SLC4A4: variants seen among roughly 807,000 people sequenced by gnomAD.
SLC4A4 encodes the protein solute carrier family 4 member 4.
SLC4A4 carries 27 observed loss-of-function variants against 111.5 expected under a neutral mutation model. The observed-to-expected ratio is 0.24, with a 90% CI of 0.18 to 0.33. The LOEUF (loss-of-function observed/expected upper bound fraction) is 0.33. Ranked by LOEUF, SLC4A4 falls within the 10% of genes least tolerant of loss-of-function variation. The pLI, the probability that SLC4A4 is intolerant of heterozygous loss-of-function variation, is 1.00. For missense variants in SLC4A4, 909 were observed against 1,315.5 expected, an observed-to-expected ratio of 0.69 and a Z score of 4.78; for synonymous variants, 443 against 463.4, an observed-to-expected ratio of 0.96 and a Z score of 0.57.
intron 3 of SLC4A4, chr4:71,300,109 A>G (rs1330897611): frequency 2.5e-5 from 4 of 158,668 alleles, no homozygotes; most frequent in Non-Finnish European, 5.8e-5. Context: ...TCTGCAGAGA[A>G]TAACCTGACT....
intron 17 of SLC4A4, among the ~76,000 whole-genome samples, chr4:71,533,234 A>T (rs1238445422): frequency 1.3e-5 from 2 of 152,134 alleles, no homozygotes; most frequent in African/African-American, 4.8e-5. Context: ...TCAACCATTA[A>T]TTCATTTGAG....
chr4:71,091,818 C>T (rs752074151), intron 1 of SLC4A4, among the ~76,000 whole-genome samples: 5 of 152,144 alleles, frequency 3.3e-5, no homozygotes, highest in Non-Finnish European at 7.4e-5. Flanking sequence ...TCTGCAAAGC[C>T]GTCTCTCTCC....
chr4:71,309,161 A>T (rs1305808849), intron 3 of SLC4A4, among the ~76,000 whole-genome samples: 1 of 152,148 alleles, frequency 6.6e-6, no homozygotes, highest in African/African-American at 2.4e-5. Flanking sequence ...GCCTTTCTAG[A>T]TTCCTCTTCA....
rs1745507759 is a variant in SLC4A4 at position 71,187,280 on chromosome 4, T to TCGGTGG, written c.-119_-114dup. On this transcript the variant is annotated 5_prime_UTR_variant, in exon 1 of 26. Coordinates refer to ENST00000264485, the MANE Select transcript of SLC4A4 (RefSeq NM_001098484.3). ...CCCCGGCGGCGCGCCGGGCAGCGCT[T>TCGGTGG]CGGTGGCGGCGGCGGCCGCGGTGGC... is the stretch of plus-strand genomic sequence containing the variant. The TCGGTGG allele has an allele frequency of 1.3e-5, 2 of 154,050 alleles. No individual in the cohort carries two copies. Among genetic ancestry groups the TCGGTGG allele is most frequent in the South Asian group, 3.5e-4 (2 of 5,690 alleles). The allele number at this position is 154,050 out of a possible 1,614,324, so 9.5% of individuals were successfully genotyped here.
At chr4:71,450,153 A>G (rs982839850) in intron 9 of SLC4A4, among the ~76,000 whole-genome samples, 7 of 152,116 alleles carry the variant, frequency 4.6e-5, no homozygotes, top group African/African-American at 9.7e-5. Flanking sequence ...TATTGGTAGG[A>G]AAAAAAACCA....
chr4:71,092,007 C>A (rs1442718166), intron 1 of SLC4A4, among the ~76,000 whole-genome samples: 1 of 152,126 alleles, frequency 6.6e-6, no homozygotes. Context: ...AATGTAGTGG[C>A]CATCTTCAAG....
chr4:71,122,090 A>G (rs1333000143), intron 2 of SLC4A4, among the ~76,000 whole-genome samples: 1 of 152,102 alleles, frequency 6.6e-6, no homozygotes, highest in Non-Finnish European at 1.5e-5. Context: ...ATCAGAAGGA[A>G]CAAACTCCGG....
At chr4:71,478,925 T>C (rs2089512755) in intron 14 of SLC4A4, among the ~76,000 whole-genome samples, 1 of 151,778 alleles carries the variant, frequency 6.6e-6, no homozygotes, top group African/African-American at 2.4e-5. Context: ...ATACCTCTGT[T>C]CATTTGCCTA....
intron 3 of SLC4A4, among the ~76,000 whole-genome samples, chr4:71,314,973 T>C (rs1726561442): frequency 6.6e-6 from 1 of 152,178 alleles, no homozygotes; most frequent in Admixed American, 6.5e-5. Flanking sequence ...AATAACCTGA[T>C]AGAATTACAG....
chr4:71,423,685 C>T (rs1293567093), intron 7 of SLC4A4, among the ~76,000 whole-genome samples: 9 of 152,080 alleles, frequency 5.9e-5, no homozygotes, highest in African/African-American at 9.7e-5. Flanking sequence ...GAAATAACGC[C>T]GCATATCTAC....
intron 18 of SLC4A4, among the ~76,000 whole-genome samples, chr4:71,536,499 T>TG: frequency 7.7e-6 from 1 of 130,008 alleles, no homozygotes; most frequent in Non-Finnish European, 1.7e-5. Context: ...TATATATTTA[T>TG]TTATTTATTT....
intron 3 of SLC4A4, among the ~76,000 whole-genome samples, chr4:71,292,852 T>G (rs1560384084): frequency 6.9e-6 from 1 of 145,108 alleles, no homozygotes; most frequent in Admixed American, 6.8e-5. Context: ...GTTTTTTTTT[T>G]TTTTTTTTTG....
intron 16 of SLC4A4, among the ~76,000 whole-genome samples, chr4:71,500,355 A>G (rs776797366): frequency 6.6e-6 from 1 of 152,164 alleles, no homozygotes; most frequent in African/African-American, 2.4e-5. Flanking sequence ...TTGAAGTGTA[A>G]TGATAGGTTA....
At chr4:71,099,812 C>T (rs1578477941) in intron 2 of SLC4A4, among the ~76,000 whole-genome samples, 1 of 152,160 alleles carries the variant, frequency 6.6e-6, no homozygotes, top group African/African-American at 2.4e-5. Context: ...CCATCAGAAG[C>T]TACTATAAAC....
At chr4:71,438,137 AGACGGTTCCGAAAAAATG>A (rs1347050665) in intron 7 of SLC4A4, among the ~76,000 whole-genome samples, 1 of 152,234 alleles carries the variant, frequency 6.6e-6, no homozygotes, top group African/African-American at 2.4e-5. Flanking sequence ...TACACCATTA[AGACGGTTCCGAAAAAATG>A]GACTGTGATC....
intron 2 of SLC4A4, among the ~76,000 whole-genome samples, chr4:71,108,351 G>A (rs1175524574): frequency 6.6e-6 from 1 of 152,058 alleles, no homozygotes; most frequent in Admixed American, 6.6e-5. Flanking sequence ...CTCAATTTTT[G>A]TTTATCTGAG....
chr4:71,072,329 C>T (rs1197609314), intron 1 of SLC4A4, among the ~76,000 whole-genome samples: 1 of 152,040 alleles, frequency 6.6e-6, no homozygotes, highest in Admixed American at 6.6e-5. Context: ...CTAACTAATC[C>T]ATCTTTTCCT....
intron 3 of SLC4A4, among the ~76,000 whole-genome samples, chr4:71,323,206 T>C (rs754754135): frequency 4.6e-5 from 7 of 152,070 alleles, no homozygotes; most frequent in Non-Finnish European, 1.0e-4. Context: ...TTTTAGAAAA[T>C]TTAGAACTTG....
intron 6 of SLC4A4, among the ~76,000 whole-genome samples, chr4:71,363,634 G>C (rs1278179439): frequency 1.3e-5 from 2 of 152,128 alleles, no homozygotes; most frequent in Non-Finnish European, 2.9e-5. Context: ...TTGACATCTT[G>C]CAACTCTCAG....
Sources: gnomAD v4.1 joint callset for allele counts (sites outside exome capture counted in the v4.1 genomes callset) on GRCh38, gnomAD v4.1.1 for gene constraint, MANE v1.5 for transcripts, NCBI Gene and HGNC (gene_info 2026-07-23, HGNC 2026-07-21) for gene names.